Variants in ITGA7 observed in about 807,000 individuals in gnomAD.
The protein encoded by ITGA7 is integrin subunit alpha 7.
A neutral mutation model predicts 131.6 loss-of-function variants in ITGA7; 84 were observed. The ratio of observed to expected loss-of-function variants is 0.64; its 90% confidence interval spans 0.54 to 0.77. The LOEUF (loss-of-function observed/expected upper bound fraction) is 0.77. ITGA7 is among the 30% of genes least tolerant of loss of function. The probability of loss-of-function intolerance (pLI) is 0.00; values close to 1 mark genes in which losing one functional copy is unlikely to be tolerated. For synonymous variants in ITGA7, 548 were observed against 600.7 expected, an observed-to-expected ratio of 0.91 and a Z score of 1.28; for missense variants, 1,399 against 1,482.9, an observed-to-expected ratio of 0.94 and a Z score of 0.93.
At chr12:55,687,854 G>A in intron 24 of ITGA7, 117 bp downstream of exon 24, 6 of 1,342,744 alleles carry the variant, frequency 4.5e-6, no homozygotes, top group Non-Finnish European at 6.4e-6. Context: ...CAGGGCAAGT[G>A]TTCAGTGCAG....
Position 55,684,888 on chromosome 12 carries a change from A to G in ITGA7, c.*170T>C, listed in dbSNP as rs116583783. 3.9e-5 allele frequency: 24 copies of G among 609,004 alleles called. No individual in the cohort carries two copies. The African/African-American group carries it at 4.3e-4, about 11-fold the overall frequency. 37.7% of individuals were successfully genotyped at this position (609,004 alleles called of 1,614,324 possible). ...CTCATCTCACAGCACTCTAAGGGGA[A>G]GTTGGGTGGGAGGAGTTCTTGTGGG... On this transcript the variant is annotated 3_prime_UTR_variant, in exon 25 of 25. Coordinates refer to ENST00000257879, the MANE Select transcript of ITGA7 (RefSeq NM_002206.3).
In ITGA7 at chr12:55,692,919, C is replaced by T; in HGVS notation, c.2769G>A (p.Glu923=). The change falls in exon 21 of 25, where the codon GAG becomes GAA. Residue 923 remains glutamate, a synonymous_variant. Transcript: ENST00000257879. ...TGCTGGGCTCCTGCCGCTCACCAGGCTCCTGCTGCTCAGGTGGCTCCAGCT... is the reference window on the plus strand; with the variant it reads ...TGCTGGGCTCCTGCCGCTCACCAGGTTCCTGCTGCTCAGGTGGCTCCAGCT... ...RRELEPPEQQ[E]PGERQEPSMS... The T allele has an allele frequency of 6.2e-7, 1 of 1,614,162 alleles. No homozygotes were observed. Among genetic ancestry groups the T allele is most frequent in the Non-Finnish European group, 8.5e-7 (1 of 1,180,032 alleles).
In ITGA7 at chr12:55,696,405, T is replaced by C. The variant is rs200065922; in HGVS notation, c.1765A>G (p.Ile589Val). ...QENVKDKLRA[I>V]VVTLSYSLQT... ...AGACTGTAGGACAAGGTCACTACAATGGCCCGAAGCTTGTCTTTGACATTT... is the reference window on the plus strand; with the variant it reads ...AGACTGTAGGACAAGGTCACTACAACGGCCCGAAGCTTGTCTTTGACATTT... Residue 589 changes from isoleucine to valine, a missense_variant, in exon 13 of 25, where the codon ATT becomes GTT. Transcript: ENST00000257879. 3 of 1,601,494 alleles carry C rather than the reference T, an allele frequency of 1.9e-6. No individual in the cohort carries two copies. Among genetic ancestry groups the C allele is most frequent in the Non-Finnish European group, 2.6e-6 (3 of 1,172,984 alleles).
chr12:55,707,996 T>C, upstream of ITGA7: 2 of 1,236,114 alleles, frequency 1.6e-6, no homozygotes, highest in African/African-American at 1.6e-5. Flanking sequence ...CCCAAGCCCG[T>C]CTCCAAGGGG....
rs1872299582 is a variant in ITGA7, at chr12:55,694,904, C to G, written c.2070G>C (p.Met690Ile). ...CTGGGTCCGATGGCAGGTTGGTGAC[C>G]ATCAGCTCCAGGCCAATGACTGGCT... is the stretch of plus-strand genomic sequence containing the variant. The part of the protein sequence containing the change: ...SGQPVIGLEL[M>I]VTNLPSDPAQ... Residue 690 changes from methionine (M) to isoleucine (I), a missense_variant, in exon 15 of 25, where the codon ATG (methionine) becomes ATC (isoleucine). Coordinates refer to ENST00000257879, the MANE Select transcript of ITGA7 (RefSeq NM_002206.3). This position sits in a 1 kb window ranked among gnomAD's most constrained non-coding sequence, Gnocchi z 5.3. 1 of 1,614,056 alleles carries G rather than the reference C, an allele frequency of 6.2e-7. No homozygotes were observed. Among genetic ancestry groups the G allele is most frequent in the African/African-American group, 1.3e-5 (1 of 75,034 alleles).
At chr12:55,715,380 T>C (rs1876438649), upstream of ITGA7, among the ~76,000 whole-genome samples, 1 of 152,166 alleles carries the variant, frequency 6.6e-6, no homozygotes, top group Admixed American at 6.5e-5. Flanking sequence ...AATATGCTCA[T>C]GATGTTTATA....
chr12:55,712,127 G>C, upstream of ITGA7: 1 of 1,551,476 alleles, frequency 6.4e-7, no homozygotes, highest in Non-Finnish European at 8.7e-7. Flanking sequence ...CTTGAACCAT[G>C]GGAGTGGCTG....
rs1869809023 is a variant in ITGA7 at position 55,685,196 on chromosome 12, C to T, written c.3276G>A (p.Lys1092=). The T allele has an allele frequency of 1.2e-6, 2 of 1,614,188 alleles. No individual in the cohort carries two copies. The highest frequency in any genetic ancestry group is 2.2e-5 in the East Asian group (1 of 44,880). Residue 1092 remains lysine (K), a synonymous_variant, in exon 25 of 25, where the codon AAG becomes AAA. Transcript: ENST00000257879. ...KIPREDRQQF[K]EEKTGTILRN... is the part of the protein sequence containing the mutation. ...TCAGGATGGTGCCCGTCTTCTCCTC[C>T]TTGAACTGCTGTCGGTCTTCCCGAG... is the stretch of plus-strand genomic sequence containing the variant.
chr12:55,708,003 G>C (rs1875612964), upstream of ITGA7: 7 of 1,229,748 alleles, frequency 5.7e-6, no homozygotes, highest in Non-Finnish European at 6.1e-6. Context: ...CCGTCTCCAA[G>C]GGGATGCCCA....
chr12:55,694,634 G>A lies in ITGA7; in HGVS notation c.2258C>T (p.Pro753Leu). 6.2e-7 allele frequency: 1 copy of A among 1,614,104 alleles called. No individual in the cohort carries two copies. The highest frequency in any genetic ancestry group is 8.5e-7 in the Non-Finnish European group (1 of 1,179,986). The change falls in exon 16 of 25, where the codon CCC becomes CTC. Residue 753 changes from proline to leucine, a missense_variant. Transcript: ENST00000257879. The surrounding 1 kb of genome is among the most constrained non-coding windows in gnomAD (Gnocchi z 5.3). ...GCCAACCTGGGCACCTCTCTTCATG[G>A]GGTTCCCCAGCTCACACTCAACATG... is the stretch of plus-strand genomic sequence containing the variant. ...ASHVECELGN[P>L]MKRGAQVTFY...
chr12:55,696,538 T>C (rs1872664981), intron 12 of ITGA7, 106 bp from the exon 13 acceptor site: 1 of 1,275,726 alleles, frequency 7.8e-7, no homozygotes, highest in African/African-American at 1.5e-5. Context: ...GAAAGAATAT[T>C]AGGGAGATGA....
chr12:55,687,952 C>T lies in ITGA7; in HGVS notation c.3183+19G>A. 1 of 1,613,992 alleles carries T rather than the reference C, an allele frequency of 6.2e-7. No homozygotes were observed. The highest frequency in any genetic ancestry group is 8.5e-7 in the Non-Finnish European group (1 of 1,179,990). ...CAACCAGGAAGTCCACCCCCATCAGCCCCACCTCCAAGCCTCACCTTCCAC... is the reference window on the plus strand; with the variant it reads ...CAACCAGGAAGTCCACCCCCATCAGTCCCACCTCCAAGCCTCACCTTCCAC... On this transcript the variant is annotated intron_variant, in intron 24 of 24. Transcript: ENST00000257879.
intron 20 of ITGA7, 74 bp downstream of exon 20, chr12:55,693,067 T>A: frequency 6.2e-7 from 1 of 1,610,224 alleles, no homozygotes. Context: ...TCCTGCCCCA[T>A]CACTGCACTC....
intron 3 of ITGA7, among the ~76,000 whole-genome samples, chr12:55,702,061 G>C (rs1366723199): frequency 6.6e-6 from 1 of 152,166 alleles, no homozygotes; most frequent in Non-Finnish European, 1.5e-5. Context: ...TGTCTCCCAG[G>C]CTAGGGTACA....
At position 55,696,255 on chromosome 12, in the gene ITGA7, C is replaced by T. The variant is rs368223689; in HGVS notation, c.1887+28G>A. ...GATCTTTGCCCTCCCAGCTCCTCCC[C>T]CTGGGCTAAACCAGAACCCATGCTC... On this transcript the variant is annotated intron_variant, in intron 13 of 24. Transcript: ENST00000257879. 174 of 1,553,270 alleles carry T rather than the reference C, an allele frequency of 1.1e-4. No homozygotes were observed. In the African/African-American group the frequency reaches 2.2e-3, roughly 20 times the overall value.
chr12:55,693,787 C>G (rs1413406392), intron 19 of ITGA7, among the ~76,000 whole-genome samples: 2 of 152,120 alleles, frequency 1.3e-5, no homozygotes, highest in East Asian at 3.9e-4. Flanking sequence ...TCCCTGGACT[C>G]TCATGGCCTA....
upstream of ITGA7, among the ~76,000 whole-genome samples, chr12:55,714,517 C>CAAAAAAAA (rs35046301): frequency 8.3e-6 from 1 of 120,468 alleles, no homozygotes; most frequent in Non-Finnish European, 1.6e-5. Flanking sequence ...GACTCCGTCT[C>CAAAAAAAA]AAAAAAAAAA....
chr12:55,700,747 C>T, intron 4 of ITGA7, 152 bp downstream of exon 4: 1 of 975,706 alleles, frequency 1.0e-6, no homozygotes, highest in Non-Finnish European at 1.6e-6. Flanking sequence ...TTCATGTGTG[C>T]ACTAGCTCAA....
At chr12:55,695,500 C>A in intron 14 of ITGA7, 22 bp downstream of exon 14, 3 of 1,303,958 alleles carry the variant, frequency 2.3e-6, no homozygotes, top group Non-Finnish European at 2.2e-6. Context: ...CCCACCCCCA[C>A]CCTGCTCTCT....
Sources: allele counts gnomAD v4.1 joint callset (sites outside exome capture counted in the v4.1 genomes callset), GRCh38; gene constraint gnomAD v4.1.1; non-coding constraint Gnocchi (gnomAD v3.1); transcripts MANE v1.5; gene names NCBI Gene and HGNC (gene_info 2026-07-23, HGNC 2026-07-21).